Variants in NOS1AP observed in about 807,000 individuals in gnomAD.
NOS1AP encodes nitric oxide synthase 1 adaptor protein, also known as carboxyl-terminal PDZ ligand of neuronal nitric oxide synthase protein.
A neutral mutation model predicts 56.2 loss-of-function variants in NOS1AP; 21 were observed. The observed-to-expected ratio is 0.37, with a 90% CI of 0.26 to 0.54. The LOEUF (loss-of-function observed/expected upper bound fraction) is 0.54, where lower values mean the gene tolerates loss of function less well. Among genes scored for constraint, NOS1AP ranks in the 20% least tolerant of loss-of-function variants. The pLI is 0.84. For synonymous variants in NOS1AP, 270 were observed against 274.6 expected (o/e 0.98, Z 0.17); for missense variants, 522 against 657.8 (o/e 0.79, Z 2.26).
At chr1:162,119,933 AC>A (rs1398647850) in intron 1 of NOS1AP, among the ~76,000 whole-genome samples, 3 of 152,204 alleles carry the variant, frequency 2.0e-5, no homozygotes, top group African/African-American at 7.2e-5. Flanking sequence ...AGAGATGGTA[AC>A]AGTTGGTATA....
intron 2 of NOS1AP, among the ~76,000 whole-genome samples, chr1:162,273,093 T>G (rs1654631036): frequency 6.6e-6 from 1 of 151,860 alleles, no homozygotes; most frequent in Admixed American, 6.6e-5. Flanking sequence ...AAGACTTCCC[T>G]TATCTTCTGA....
At chr1:162,326,817 T>C (rs959013094) in intron 4 of NOS1AP, among the ~76,000 whole-genome samples, 4 of 152,172 alleles carry the variant, frequency 2.6e-5, no homozygotes, top group Non-Finnish European at 2.9e-5. Context: ...AGTTGGATTA[T>C]TGGATGAGGC....
chr1:162,355,458 GGCACAGTGGCGGT>G, intron 7 of NOS1AP, 105 bp downstream of exon 7: 1 of 1,410,266 alleles, frequency 7.1e-7, no homozygotes, highest in South Asian at 1.2e-5. Context: ...GGCACTCCAT[GGCACAGTGGCGGT>G]GCCAGAGCGC....
intron 1 of NOS1AP, among the ~76,000 whole-genome samples, chr1:162,085,406 T>G (rs1333667872): frequency 2.0e-5 from 3 of 152,114 alleles, no homozygotes; most frequent in Non-Finnish European, 4.4e-5. Flanking sequence ...GCAGGAAAAT[T>G]TAAGAATCAT....
chr1:162,199,842 G>A (rs1282650724), intron 2 of NOS1AP, among the ~76,000 whole-genome samples: 1 of 152,110 alleles, frequency 6.6e-6, no homozygotes, highest in Middle Eastern at 3.2e-3. Context: ...TTGATTTGCC[G>A]ACTTAAAATT....
At chr1:162,191,702 A>G (rs1651653523) in intron 2 of NOS1AP, among the ~76,000 whole-genome samples, 1 of 152,054 alleles carries the variant, frequency 6.6e-6, no homozygotes, top group Non-Finnish European at 1.5e-5. Flanking sequence ...GGGGTAAGAG[A>G]GAGTCCAACT....
intron 2 of NOS1AP, among the ~76,000 whole-genome samples, chr1:162,263,563 T>A (rs535378179): frequency 6.6e-6 from 1 of 152,210 alleles, no homozygotes; most frequent in African/African-American, 2.4e-5. Context: ...CATTTTCCTA[T>A]GGTTTCACAG....
chr1:162,225,686 G>C (rs1652920717), intron 2 of NOS1AP, among the ~76,000 whole-genome samples: 1 of 152,192 alleles, frequency 6.6e-6, no homozygotes, highest in African/African-American at 2.4e-5. Flanking sequence ...AAGGCTGTCA[G>C]TTTGCTAACC....
Position 162,149,007 on chromosome 1 carries a change from G to T in NOS1AP, c.106-5398G>T, listed in dbSNP as rs571746576. Among the ~76,000 whole-genome samples the T allele has an allele frequency of 7.6e-4, 116 of 152,280 alleles. 1 individual carries two copies. Among genetic ancestry groups the T allele is most frequent in the African/African-American group, 2.7e-3 (112 of 41,546 alleles). On this transcript the variant is annotated intron_variant, in intron 1 of 9. Coordinates refer to ENST00000361897, the MANE Select transcript of NOS1AP (RefSeq NM_014697.3). ...GGATTTCCTGGGGGCTGCTAATCAG[G>T]ATGAGGAAGGCTAGAGGAGGAACAT...
chr1:162,191,135 C>A (rs1451501735), intron 2 of NOS1AP, among the ~76,000 whole-genome samples: 1 of 152,162 alleles, frequency 6.6e-6, no homozygotes, highest in Non-Finnish European at 1.5e-5. Context: ...TAGACTTGCC[C>A]GTCCATATCA....
intron 1 of NOS1AP, among the ~76,000 whole-genome samples, chr1:162,077,637 C>T (rs781553974): frequency 3.9e-5 from 6 of 151,954 alleles, no homozygotes; most frequent in Admixed American, 1.3e-4. Context: ...TGAGATCCAT[C>T]TGCCTTCCAT....
chr1:162,187,608 C>G (rs1393603123), intron 2 of NOS1AP, among the ~76,000 whole-genome samples: 2 of 152,126 alleles, frequency 1.3e-5, no homozygotes, highest in Non-Finnish European at 2.9e-5. Context: ...GTATTATACC[C>G]TCTGAGTATG....
intron 2 of NOS1AP, among the ~76,000 whole-genome samples, chr1:162,192,564 G>T (rs985827318): frequency 1.3e-5 from 2 of 152,164 alleles, no homozygotes; most frequent in African/African-American, 4.8e-5. Context: ...ACCACAGAAA[G>T]GCTGTTGCCT....
chr1:162,121,185 T>A (rs527314045), intron 1 of NOS1AP, among the ~76,000 whole-genome samples: 6 of 151,846 alleles, frequency 4.0e-5, no homozygotes, highest in Admixed American at 2.0e-4. Flanking sequence ...TTGTTTTTTT[T>A]TTGGAGACAA....
At chr1:162,203,024 G>A (rs1051768560) in intron 2 of NOS1AP, among the ~76,000 whole-genome samples, 1 of 152,066 alleles carries the variant, frequency 6.6e-6, no homozygotes. Context: ...CGGGAGGGGT[G>A]TGCTGTATTT....
At chr1:162,213,404 C>T (rs1652437478) in intron 2 of NOS1AP, among the ~76,000 whole-genome samples, 1 of 152,178 alleles carries the variant, frequency 6.6e-6, no homozygotes, top group Non-Finnish European at 1.5e-5. Flanking sequence ...GACTCTCCCA[C>T]TGATCCTGTG....
At chr1:162,217,910 T>G (rs1652636318) in intron 2 of NOS1AP, among the ~76,000 whole-genome samples, 1 of 152,204 alleles carries the variant, frequency 6.6e-6, no homozygotes. Context: ...GGAATAATAA[T>G]TATGTCTGCC....
At chr1:162,134,241 A>G (rs1648881985) in intron 1 of NOS1AP, among the ~76,000 whole-genome samples, 1 of 152,178 alleles carries the variant, frequency 6.6e-6, no homozygotes, top group Non-Finnish European at 1.5e-5. Context: ...CTGTAATCCC[A>G]GCACTTTAGG....
chr1:162,269,705 G>A (rs1250963744), intron 2 of NOS1AP, among the ~76,000 whole-genome samples: 3 of 152,132 alleles, frequency 2.0e-5, no homozygotes, highest in Non-Finnish European at 4.4e-5. Flanking sequence ...TGTGATGATT[G>A]CTACAAAACA....
Sources: allele counts gnomAD v4.1 joint callset (sites outside exome capture counted in the v4.1 genomes callset), GRCh38; gene constraint gnomAD v4.1.1; transcripts MANE v1.5; gene names NCBI Gene and HGNC (gene_info 2026-07-23, HGNC 2026-07-21).